Variants in TENM2 observed in about 807,000 individuals in gnomAD.
TENM2 encodes the protein teneurin-2.
Under a neutral mutation model 245.2 loss-of-function variants are expected in TENM2, and 52 were observed. The ratio of observed to expected loss-of-function variants is 0.21; its 90% CI spans 0.17 to 0.27. The LOEUF (loss-of-function observed/expected upper bound fraction) is 0.27. Among genes scored for constraint, TENM2 ranks in the 10% least tolerant of loss-of-function variants. TENM2 has a pLI of 1.00. For synonymous variants in TENM2, 1,363 were observed against 1,438.9 expected, an observed-to-expected ratio of 0.95 and a Z score of 1.19; for missense variants, 3,046 against 3,666.8, an observed-to-expected ratio of 0.83 and a Z score of 4.37.
chr5:167,882,844 C>G (rs1271806717), intron 3 of TENM2, among the ~76,000 whole-genome samples: 2 of 152,190 alleles, frequency 1.3e-5, no homozygotes, highest in African/African-American at 4.8e-5. Flanking sequence ...CAAACCATAT[C>G]AATCACCATG....
chr5:168,201,956 T>C (rs1761974527), intron 17 of TENM2, among the ~76,000 whole-genome samples: 1 of 152,224 alleles, frequency 6.6e-6, no homozygotes, highest in Admixed American at 6.5e-5. Context: ...TAGTTGGGTT[T>C]TGAAGCTTTC....
intron 1 of TENM2, among the ~76,000 whole-genome samples, chr5:167,347,541 T>G (rs1422724184): frequency 6.6e-6 from 1 of 152,210 alleles, no homozygotes; most frequent in African/African-American, 2.4e-5. Flanking sequence ...TCCCAGCTAC[T>G]TTACTAGGTA....
intron 4 of TENM2, among the ~76,000 whole-genome samples, chr5:167,958,378 A>G (rs1780726684): frequency 6.6e-6 from 1 of 152,162 alleles, no homozygotes. Flanking sequence ...CTGTCTTTGC[A>G]TGTGAGATAG....
chr5:168,215,625 C>A (rs1167101595), intron 21 of TENM2, among the ~76,000 whole-genome samples: 1 of 152,172 alleles, frequency 6.6e-6, no homozygotes, highest in Admixed American at 6.5e-5. Flanking sequence ...GCCGAGATCG[C>A]GCCACTGCAC....
the TENM2 span, among the ~76,000 whole-genome samples, chr5:167,091,272 T>C: frequency 6.6e-6 from 1 of 152,168 alleles, no homozygotes; most frequent in African/African-American, 2.4e-5. Flanking sequence ...AATTTCAAAA[T>C]TAGGATATTT....
At position 167,630,229 on chromosome 5, in the gene TENM2, A is replaced by G. The variant is rs72819686; in HGVS notation, c.503-245757A>G. Among the ~76,000 whole-genome samples, 986 of 152,016 alleles carry G rather than the reference A, an allele frequency of 6.5e-3. 10 individuals carry two copies. The highest frequency in any genetic ancestry group is 0.023 in the South Asian group (113 of 4,814). On this transcript the variant is annotated intron_variant, in intron 2 of 28. Coordinates refer to ENST00000518659, the Ensembl canonical transcript of TENM2. ...CTTTTGGCATATCCGAATTACCAGC[A>G]TCACAACTCTTGTGCTTTGGGGCCA... is the stretch of plus-strand genomic sequence containing the variant.
At chr5:167,007,111 G>C in the TENM2 span, among the ~76,000 whole-genome samples, 2 of 152,070 alleles carry the variant, frequency 1.3e-5, no homozygotes, top group Non-Finnish European at 2.9e-5. This position sits in a 1 kb window ranked among gnomAD's most constrained non-coding sequence, Gnocchi z 4.2. Flanking sequence ...GCTACTGATT[G>C]CTTCTAATTT....
chr5:167,666,867 A>C (rs540964461), intron 2 of TENM2, among the ~76,000 whole-genome samples: 13 of 152,150 alleles, frequency 8.5e-5, no homozygotes, highest in Non-Finnish European at 1.9e-4. Context: ...GGGGAGAATA[A>C]ATTTCCTATG....
rs192514902 is a variant in TENM2, at chr5:167,421,549, C to T, written c.502+46076C>T. 2.0e-4 allele frequency among the ~76,000 whole-genome samples: 31 copies of T among 152,194 alleles called. No individual in the cohort carries two copies. In the East Asian group the frequency reaches 2.7e-3, roughly 13 times the overall value. ...GAGCTCCAGTGAATATGTGGAGATACGTTCAATGGGCATTGTAATGTGGCA... is the reference window on the plus strand; with the variant it reads ...GAGCTCCAGTGAATATGTGGAGATATGTTCAATGGGCATTGTAATGTGGCA... On this transcript the variant is annotated intron_variant, in intron 2 of 28. Coordinates refer to ENST00000518659, the Ensembl canonical transcript of TENM2.
rs540155445 is a variant in TENM2 at position 167,698,084 on chromosome 5, T to C, written c.503-177902T>C. Among the ~76,000 whole-genome samples, 10 of 152,314 alleles carry C rather than the reference T, an allele frequency of 6.6e-5. No individual in the cohort carries two copies. The South Asian group carries it at 1.2e-3, about 19-fold the overall frequency. The stretch of plus-strand genomic sequence containing the variant: ...CAAATGCCACAGAGAGAAATTTATC[T>C]TTTCCTTTACTCATTGTATGCACTG... On this transcript the variant is annotated intron_variant, in intron 2 of 28. Transcript: ENST00000518659.
At chr5:167,717,140 GA>G (rs1333441721) in intron 2 of TENM2, among the ~76,000 whole-genome samples, 6 of 151,816 alleles carry the variant, frequency 4.0e-5, no homozygotes, top group African/African-American at 1.5e-4. Flanking sequence ...ATGTTTAGTA[GA>G]AATGGGGTTT....
At chr5:167,574,356 A>G (rs1163551828) in intron 2 of TENM2, among the ~76,000 whole-genome samples, 1 of 152,182 alleles carries the variant, frequency 6.6e-6, no homozygotes, top group Non-Finnish European at 1.5e-5. Context: ...AATCCAATTG[A>G]TACTGCTTTT....
intron 9 of TENM2, among the ~76,000 whole-genome samples, chr5:168,112,606 C>CT (rs774514125): frequency 0.012 from 792 of 64,116 alleles, 27 homozygotes; most frequent in African/African-American, 0.042. Context: ...GTGCAGTGGG[C>CT]GGGGGGGGGG....
At chr5:167,810,392 C>A (rs374525462) in intron 2 of TENM2, among the ~76,000 whole-genome samples, 1 of 151,946 alleles carries the variant, frequency 6.6e-6, no homozygotes, top group South Asian at 2.1e-4. Flanking sequence ...TGTTTGGGTC[C>A]TTTTATTTCT....
In TENM2 at chr5:168,233,001, C is replaced by T. The variant is rs531238398; in HGVS notation, c.5520+4871C>T. On this transcript the variant is annotated intron_variant, in intron 25 of 28. Transcript: ENST00000518659. ...CTCCCCCTCCTTCCCGCATTGTCCT[C>T]CATTCCTTTCTTCACTCACTCTGGC... Among the ~76,000 whole-genome samples the T allele has an allele frequency of 1.1e-4, 17 of 152,332 alleles. No individual in the cohort carries two copies. The South Asian group carries it at 1.5e-3, about 13-fold the overall frequency.
intron 12 of TENM2, among the ~76,000 whole-genome samples, chr5:168,142,472 G>A (rs73387374): frequency 0.039 from 5,924 of 152,248 alleles, 231 homozygotes; most frequent in African/African-American, 0.11. Context: ...CAATTTCAGC[G>A]TTATAAAGTT....
At chr5:167,570,320 A>G (rs1480040417) in intron 2 of TENM2, among the ~76,000 whole-genome samples, 26 of 151,424 alleles carry the variant, frequency 1.7e-4, no homozygotes, top group South Asian at 8.3e-4. Context: ...CAGACTTTCA[A>G]TTGACCAATC....
chr5:167,063,453 A>ACGAT, the TENM2 span, among the ~76,000 whole-genome samples: 8 of 152,266 alleles, frequency 5.3e-5, no homozygotes, highest in African/African-American at 1.7e-4. Context: ...TAGACCTGGA[A>ACGAT]CGATGTCTGT....
chr5:168,163,822 A>C (rs1581501619), intron 13 of TENM2, among the ~76,000 whole-genome samples: 1 of 152,178 alleles, frequency 6.6e-6, no homozygotes, highest in East Asian at 1.9e-4. Flanking sequence ...GATTGATTCC[A>C]TCTAATCTAT....
Sources: allele counts gnomAD v4.1 joint callset (sites outside exome capture counted in the v4.1 genomes callset), GRCh38; gene constraint gnomAD v4.1.1; non-coding constraint Gnocchi (gnomAD v3.1); transcripts MANE v1.5; gene names NCBI Gene and HGNC (gene_info 2026-07-23, HGNC 2026-07-21).